Variants in LARGE1 observed in about 807,000 individuals in gnomAD.
LARGE1 encodes LARGE xylosyl- and glucuronyltransferase 1.
Under a neutral mutation model 87.6 loss-of-function variants are expected in LARGE1, and 43 were observed. That is an observed-to-expected ratio of 0.49 (90% CI 0.38 to 0.63). The LOEUF (loss-of-function observed/expected upper bound fraction) is 0.63. LARGE1 is among the 30% of genes least tolerant of loss of function. The pLI, the probability that LARGE1 is intolerant of heterozygous loss-of-function variation, is 0.00. For missense variants in LARGE1, 802 were observed against 1,000.2 expected (o/e 0.80, Z 2.67); for synonymous variants, 434 against 394.6 (o/e 1.10, Z -1.18).
At position 33,384,245 on chromosome 22, in the gene LARGE1, G is replaced by T; in HGVS notation, c.952C>A (p.Leu318Met). ...RKMKWEQMWR[L>M]TAERELMGML... Reference sequence around the variant, plus strand: ...CCCATGAGCTCCCTCTCTGCGGTCAGCCTCCACATCTGCTCCCATTTCATC... The same window carrying T: ...CCCATGAGCTCCCTCTCTGCGGTCATCCTCCACATCTGCTCCCATTTCATC... The change falls in exon 8 of 15, where the codon CTG becomes ATG. Residue 318 changes from leucine to methionine, a missense_variant. Transcript: ENST00000397394. 1.2e-6 allele frequency: 2 copies of T among 1,614,146 alleles called. No individual in the cohort carries two copies. Among genetic ancestry groups the T allele is most frequent in the Non-Finnish European group, 8.5e-7 (1 of 1,180,030 alleles).
At chr22:33,175,121 A>G (rs1029540061) in intron 11 of LARGE1, among the ~76,000 whole-genome samples, 9 of 152,150 alleles carry the variant, frequency 5.9e-5, no homozygotes, top group African/African-American at 1.7e-4. Flanking sequence ...GCACATCAAA[A>G]AGCTAATCCA....
intron 1 of LARGE1, among the ~76,000 whole-genome samples, chr22:33,888,078 T>C (rs1022712171): frequency 6.6e-6 from 1 of 152,170 alleles, no homozygotes; most frequent in Non-Finnish European, 1.5e-5. Flanking sequence ...GAACCACCAA[T>C]GCTCCCGTTC....
At chr22:33,538,366 T>C (rs901221170) in intron 6 of LARGE1, among the ~76,000 whole-genome samples, 2 of 152,260 alleles carry the variant, frequency 1.3e-5, no homozygotes, top group East Asian at 3.8e-4. Context: ...AGAGCAAGAA[T>C]CACTTCTCTT....
chr22:33,917,214 A>G (rs1009727882), intron 1 of LARGE1, among the ~76,000 whole-genome samples: 11 of 152,196 alleles, frequency 7.2e-5, no homozygotes, highest in African/African-American at 2.2e-4. Flanking sequence ...AGTATTCTAA[A>G]CTAAGCAGGC....
At chr22:33,348,130 C>T (rs1310275604) in intron 9 of LARGE1, among the ~76,000 whole-genome samples, 1 of 152,038 alleles carries the variant, frequency 6.6e-6, no homozygotes, top group East Asian at 1.9e-4. Context: ...AAGGAGTGAC[C>T]CGAAAAGGGG....
At chr22:33,130,227 T>C in the LARGE1 span, among the ~76,000 whole-genome samples, 1 of 140,112 alleles carries the variant, frequency 7.1e-6, no homozygotes, top group Non-Finnish European at 1.5e-5. Context: ...GGCAGGAAAA[T>C]GGCGTGAACC....
chr22:33,917,654 G>A (rs1333900112), intron 1 of LARGE1, among the ~76,000 whole-genome samples: 7 of 152,144 alleles, frequency 4.6e-5, no homozygotes. Flanking sequence ...ATATTCAAAG[G>A]ATAGAGCCTT....
At chr22:33,740,392 C>T (rs548186066) in intron 2 of LARGE1, among the ~76,000 whole-genome samples, 25 of 152,188 alleles carry the variant, frequency 1.6e-4, no homozygotes, top group Non-Finnish European at 3.7e-4. Context: ...TTGCTTCCCA[C>T]CTTTCTATAA....
intron 11 of LARGE1, among the ~76,000 whole-genome samples, chr22:33,262,956 GATCTC>G (rs1927725889): frequency 6.6e-6 from 1 of 151,068 alleles, no homozygotes; most frequent in African/African-American, 2.4e-5. Context: ...GCAGTGGACT[GATCTC>G]AGCTCACTGA....
At chr22:33,561,102 T>C (rs1009793478) in intron 6 of LARGE1, among the ~76,000 whole-genome samples, 1 of 152,128 alleles carries the variant, frequency 6.6e-6, no homozygotes, top group Non-Finnish European at 1.5e-5. Context: ...GCGTGAGCCA[T>C]CAGTTTATTT....
At chr22:33,321,012 C>T (rs1936659541) in intron 10 of LARGE1, 1 of 152,212 alleles carries the variant, frequency 6.6e-6, no homozygotes, top group African/African-American at 2.4e-5. Flanking sequence ...GACACTGGTT[C>T]TAACCCATTC....
chr22:33,858,892 G>A (rs1336631680), intron 1 of LARGE1, among the ~76,000 whole-genome samples: 1 of 152,086 alleles, frequency 6.6e-6, no homozygotes, highest in Non-Finnish European at 1.5e-5. Flanking sequence ...TCTTTTGCAG[G>A]GACATGGGTT....
At chr22:33,390,170 T>C (rs538013666) in intron 7 of LARGE1, among the ~76,000 whole-genome samples, 1 of 152,326 alleles carries the variant, frequency 6.6e-6, no homozygotes, top group South Asian at 2.1e-4. Context: ...TCCAGAACGT[T>C]TACTAAATAT....
intron 1 of LARGE1, among the ~76,000 whole-genome samples, chr22:33,802,111 C>T (rs1227684053): frequency 6.6e-6 from 1 of 151,746 alleles, no homozygotes; most frequent in East Asian, 1.9e-4. Flanking sequence ...CTAATGAATC[C>T]TCTGAACACA....
chr22:33,621,129 A>T (rs1035960569), intron 4 of LARGE1, among the ~76,000 whole-genome samples: 1 of 152,218 alleles, frequency 6.6e-6, no homozygotes, highest in African/African-American at 2.4e-5. Flanking sequence ...GCATTGCTTC[A>T]TGGTATGCCA....
chr22:33,496,653 G>C (rs1339947131), intron 6 of LARGE1, among the ~76,000 whole-genome samples: 1 of 152,190 alleles, frequency 6.6e-6, no homozygotes, highest in African/African-American at 2.4e-5. Context: ...CAGGACTAAA[G>C]AAACACTCTT....
chr22:33,740,017 C>T (rs1221751769), intron 2 of LARGE1, among the ~76,000 whole-genome samples: 1 of 152,196 alleles, frequency 6.6e-6, no homozygotes, highest in Non-Finnish European at 1.5e-5. Context: ...TTCAGACTTG[C>T]TGTGTTGCTT....
intron 3 of LARGE1, among the ~76,000 whole-genome samples, chr22:33,640,595 C>A (rs1169069483): frequency 1.3e-5 from 2 of 152,050 alleles, no homozygotes; most frequent in African/African-American, 4.8e-5. Context: ...ATCGTTCACT[C>A]CCCTGGAAAG....
At chr22:33,811,037 C>T (rs1229980136) in intron 1 of LARGE1, among the ~76,000 whole-genome samples, 1 of 152,020 alleles carries the variant, frequency 6.6e-6, no homozygotes, top group Non-Finnish European at 1.5e-5. Context: ...CCTAACCTGC[C>T]CCCGACTCAT....
Sources: gnomAD v4.1 joint callset for allele counts (sites outside exome capture counted in the v4.1 genomes callset) on GRCh38, gnomAD v4.1.1 for gene constraint, MANE v1.5 for transcripts, NCBI Gene and HGNC (gene_info 2026-07-23, HGNC 2026-07-21) for gene names.